Variants in TMEM65 observed in about 807,000 individuals in gnomAD.
TMEM65 encodes transmembrane protein 65.
Under a neutral mutation model 25.4 loss-of-function variants are expected in TMEM65, and 22 were observed. The ratio of observed to expected loss-of-function variants is 0.86; its 90% CI spans 0.62 to 1.23. TMEM65 has a LOEUF of 1.23. TMEM65 is among the 50% of genes most tolerant of loss of function. The probability of loss-of-function intolerance (pLI) is 0.00; values close to 1 mark genes in which losing one functional copy is unlikely to be tolerated. For missense variants in TMEM65, 262 were observed against 308.2 expected, an observed-to-expected ratio of 0.85 and a Z score of 1.12; for synonymous variants, 132 against 126.2, an observed-to-expected ratio of 1.05 and a Z score of -0.31.
intron 1 of TMEM65, among the ~76,000 whole-genome samples, chr8:124,348,201 C>A (rs1280522675): frequency 6.6e-6 from 1 of 152,110 alleles, no homozygotes; most frequent in Non-Finnish European, 1.5e-5. Context: ...CCCACCTCAG[C>A]CTCCAAAAGT....
intron 1 of TMEM65, among the ~76,000 whole-genome samples, chr8:124,334,966 G>A (rs1211564790): frequency 6.6e-6 from 1 of 151,698 alleles, no homozygotes; most frequent in African/African-American, 2.4e-5. Context: ...AATATTAAAA[G>A]GGCTAATATA....
At chr8:124,351,089 T>C in intron 1 of TMEM65, 28 of 985,160 alleles carry the variant, frequency 2.8e-5, no homozygotes, top group Non-Finnish European at 3.3e-5. Flanking sequence ...AGCTTCACAA[T>C]GGCAATCTCA....
At position 124,308,530 on chromosome 8, in the gene TMEM65, T is replaced by C. The variant is rs1177013470; in HGVS notation, c.*5430A>G. 10 of 152,156 alleles carry C rather than the reference T, an allele frequency of 6.6e-5. No homozygotes were observed. The highest frequency in any genetic ancestry group is 1.3e-4 in the Non-Finnish European group (9 of 68,036). The allele number at this position is 152,156 out of a possible 1,614,324, so 9.4% of individuals were successfully genotyped here. Reference sequence around the variant, plus strand: ...AGATGTTGTGTGTGACTTCGCAGAATTTACAACAGAGCCAATCAAGAAAAT... The same window carrying C: ...AGATGTTGTGTGTGACTTCGCAGAACTTACAACAGAGCCAATCAAGAAAAT... On this transcript the variant is annotated 3_prime_UTR_variant, in exon 7 of 7. Coordinates refer to ENST00000297632, the MANE Select transcript of TMEM65 (RefSeq NM_194291.3).
intron 5 of TMEM65, among the ~76,000 whole-genome samples, chr8:124,321,682 G>T (rs1814305197): frequency 1.3e-5 from 2 of 152,148 alleles, no homozygotes; most frequent in Admixed American, 6.6e-5. Flanking sequence ...TTTTCTGGGA[G>T]TAGGGTGAGG....
At chr8:124,314,843 A>ATT (rs971082537) in intron 6 of TMEM65, among the ~76,000 whole-genome samples, 4 of 138,908 alleles carry the variant, frequency 2.9e-5, no homozygotes, top group East Asian at 2.1e-4. Flanking sequence ...TACTTTTATT[A>ATT]TTTTTTTTTT....
intron 2 of TMEM65, among the ~76,000 whole-genome samples, chr8:124,328,766 G>GTAT (rs1814397342): frequency 6.6e-6 from 1 of 151,860 alleles, no homozygotes; most frequent in African/African-American, 2.4e-5. Context: ...TAAACCAACT[G>GTAT]GTTATATGTG....
In TMEM65 at chr8:124,372,161, G is replaced by C; in HGVS notation, c.-4C>G. 1 of 1,272,114 alleles carries C rather than the reference G, an allele frequency of 7.9e-7. No homozygotes were observed. The highest frequency in any genetic ancestry group is 1.6e-5 in the South Asian group (1 of 60,830). 78.8% of individuals were successfully genotyped at this position (1,272,114 alleles called of 1,614,324 possible). Reference sequence around the variant, plus strand: ...GCAGCGGCAGCAGCCGGGACATGGCGAGCTGAGGAGCTGGGACCCCCGCGG... The same window carrying C: ...GCAGCGGCAGCAGCCGGGACATGGCCAGCTGAGGAGCTGGGACCCCCGCGG... On this transcript the variant is annotated 5_prime_UTR_variant, in exon 1 of 7. Transcript: ENST00000297632.
intron 1 of TMEM65, among the ~76,000 whole-genome samples, chr8:124,360,782 A>G (rs1814848939): frequency 1.3e-5 from 2 of 152,256 alleles, no homozygotes; most frequent in African/African-American, 2.4e-5. Context: ...AATGAAACAG[A>G]TAATTGGAAG....
chr8:124,369,245 T>G (rs1814979578), intron 1 of TMEM65, among the ~76,000 whole-genome samples: 2 of 152,240 alleles, frequency 1.3e-5, no homozygotes, highest in African/African-American at 4.8e-5. Context: ...AATATTCTAT[T>G]TAACTATGAT....
chr8:124,362,744 T>C (rs552308442), intron 1 of TMEM65, among the ~76,000 whole-genome samples: 25 of 152,044 alleles, frequency 1.6e-4, no homozygotes, highest in African/African-American at 5.8e-4. Flanking sequence ...TTAATAAAAT[T>C]AGCTGTAGTT....
chr8:124,366,909 T>C (rs1814946508), intron 1 of TMEM65, among the ~76,000 whole-genome samples: 2 of 152,192 alleles, frequency 1.3e-5, no homozygotes, highest in Non-Finnish European at 2.9e-5. Flanking sequence ...TAACTGAGTG[T>C]AACTCAACTT....
At position 124,318,361 on chromosome 8, in the gene TMEM65, A is replaced by AT. The variant is rs1563588866; in HGVS notation, c.621+1724dup. 1.1e-3 allele frequency among the ~76,000 whole-genome samples: 123 copies of AT among 107,462 alleles called. 1 individual carries two copies. Among genetic ancestry groups the AT allele is most frequent in the Admixed American group, 1.6e-3 (12 of 7,340 alleles). 70.5% of individuals were successfully genotyped at this position (107,462 alleles called of 152,430 possible). A position where few individuals can be genotyped will look rare whatever the true frequency, so the allele number is the denominator to read the frequency against. On this transcript the variant is annotated intron_variant, in intron 6 of 6. Coordinates refer to ENST00000297632, the MANE Select transcript of TMEM65 (RefSeq NM_194291.3). ...TGTTGTTTTAAGCTGCTGAATTTGC[A>AT]TGTTTTTGTTTTTTTTTTTTTTTTT...
intron 1 of TMEM65, among the ~76,000 whole-genome samples, chr8:124,361,676 A>G (rs1814863714): frequency 6.6e-6 from 1 of 150,672 alleles, no homozygotes; most frequent in Non-Finnish European, 1.5e-5. Context: ...TCTATTTAAA[A>G]AATACAAAAA....
intron 1 of TMEM65, among the ~76,000 whole-genome samples, chr8:124,341,030 C>G (rs1814578010): frequency 6.6e-6 from 1 of 151,908 alleles, no homozygotes. Context: ...CAATTATTTG[C>G]TTCCTAGTGT....
chr8:124,370,492 T>C (rs917271307), intron 1 of TMEM65, among the ~76,000 whole-genome samples: 6 of 152,236 alleles, frequency 3.9e-5, no homozygotes, highest in Non-Finnish European at 8.8e-5. Flanking sequence ...TGCTAGTGTT[T>C]CATTATGATT....
chr8:124,324,944 T>A lies in TMEM65; in HGVS notation c.418-1569A>T, dbSNP rs143352066. ...TACTCTAGAATTCTAATAAATTCTATCCAATTAAACTGTAAGTAAAGTAAC... is the reference window on the plus strand; with the variant it reads ...TACTCTAGAATTCTAATAAATTCTAACCAATTAAACTGTAAGTAAAGTAAC... On this transcript the variant is annotated intron_variant, in intron 3 of 6. Coordinates refer to ENST00000297632, the MANE Select transcript of TMEM65 (RefSeq NM_194291.3). 2.5e-3 allele frequency among the ~76,000 whole-genome samples: 375 copies of A among 152,082 alleles called. 1 individual carries two copies. Among genetic ancestry groups the A allele is most frequent in the African/African-American group, 7.7e-3 (322 of 41,550 alleles).
At chr8:124,338,511 C>T (rs1191955199) in intron 1 of TMEM65, among the ~76,000 whole-genome samples, 1 of 151,880 alleles carries the variant, frequency 6.6e-6, no homozygotes, top group Non-Finnish European at 1.5e-5. Context: ...ATGTTACACT[C>T]ATATTTTCAT....
chr8:124,358,723 C>T lies in TMEM65; in HGVS notation c.304+13131G>A, dbSNP rs957850163. On this transcript the variant is annotated intron_variant, in intron 1 of 6. Coordinates refer to ENST00000297632, the MANE Select transcript of TMEM65 (RefSeq NM_194291.3). ...TTAAATCATTCTTTGCTCAAATAAA[C>T]TCTGTTAAATTTGTCTCAAGTTTTC... 5.3e-5 allele frequency among the ~76,000 whole-genome samples: 8 copies of T among 152,200 alleles called. 1 individual carries two copies. Among genetic ancestry groups the T allele is most frequent in the Non-Finnish European group, 2.9e-5 (2 of 68,044 alleles).
At chr8:124,363,936 A>G (rs780792573) in intron 1 of TMEM65, among the ~76,000 whole-genome samples, 4 of 151,170 alleles carry the variant, frequency 2.6e-5, no homozygotes, top group Non-Finnish European at 5.9e-5. Flanking sequence ...CAATTCTATT[A>G]TCTAGTACAA....
Sources: gnomAD v4.1 joint callset for allele counts (sites outside exome capture counted in the v4.1 genomes callset) on GRCh38, gnomAD v4.1.1 for gene constraint, MANE v1.5 for transcripts, NCBI Gene and HGNC (gene_info 2026-07-23, HGNC 2026-07-21) for gene names.